The following ARHGAP12 variants were observed in gnomAD, a reference collection of about 807,000 sequenced individuals.
ARHGAP12 encodes the protein Rho GTPase activating protein 12.
A neutral mutation model predicts 108.6 loss-of-function variants in ARHGAP12; 64 were observed. The observed-to-expected ratio is 0.59, with a 90% CI of 0.48 to 0.73. The LOEUF is 0.73. Among genes scored for constraint, ARHGAP12 ranks in the 30% least tolerant of loss-of-function variants. ARHGAP12 has a pLI of 0.00. For missense variants in ARHGAP12, 940 were observed against 1,005.9 expected (o/e 0.93, Z 0.89); for synonymous variants, 312 against 337.2 (o/e 0.93, Z 0.82).
At chr10:31,899,391 A>G (rs2491271) in intron 3 of ARHGAP12, among the ~76,000 whole-genome samples, 30,300 of 152,190 alleles carry the variant, frequency 0.2, 3,355 homozygotes, top group East Asian at 0.39. Flanking sequence ...AGTGAAATTT[A>G]AACCTTACAT....
chr10:31,840,149 G>A (rs1419380142), intron 7 of ARHGAP12, among the ~76,000 whole-genome samples: 1 of 152,034 alleles, frequency 6.6e-6, no homozygotes, highest in Non-Finnish European at 1.5e-5. Context: ...ATGCCAGAAT[G>A]AGAATTTAAT....
intron 6 of ARHGAP12, among the ~76,000 whole-genome samples, chr10:31,846,899 ATTTT>A (rs377177944): frequency 7.7e-4 from 65 of 84,612 alleles, no homozygotes; most frequent in African/African-American, 3.0e-3. Context: ...GGCACTGTTC[ATTTT>A]TTTTTTTTTT....
At chr10:31,873,719 C>T (rs1471714510) in intron 3 of ARHGAP12, among the ~76,000 whole-genome samples, 3 of 152,202 alleles carry the variant, frequency 2.0e-5, no homozygotes, top group African/African-American at 7.2e-5. Flanking sequence ...TCAGTAACTG[C>T]TTTCCCAATC....
chr10:31,898,833 C>T (rs1007040863), intron 3 of ARHGAP12, among the ~76,000 whole-genome samples: 1 of 151,546 alleles, frequency 6.6e-6, no homozygotes, highest in Non-Finnish European at 1.5e-5. Flanking sequence ...GTGATGTTCC[C>T]ACAACAATAA....
chr10:31,908,926 G>T lies in ARHGAP12; in HGVS notation c.-71C>A. 1 of 1,355,036 alleles carries T rather than the reference G, an allele frequency of 7.4e-7. No individual in the cohort carries two copies. Among genetic ancestry groups the T allele is most frequent in the Non-Finnish European group, 1.0e-6 (1 of 1,001,734 alleles). The allele number at this position is 1,355,036 out of a possible 1,614,324, so 83.9% of individuals were successfully genotyped here. ...CTTTATGGCTTGTTGGATGAATATA[G>T]CTGTTTTATTTAAATGGAGAAAGAG... On this transcript the variant is annotated splice_region_variant and 5_prime_UTR_variant, in exon 3 of 20. Transcript: ENST00000344936.
chr10:31,904,467 T>C (rs74127879), intron 3 of ARHGAP12, among the ~76,000 whole-genome samples: 2,055 of 152,224 alleles, frequency 0.013, 57 homozygotes, highest in African/African-American at 0.046. Context: ...GGGAATTGGT[T>C]ATGGCTGTAA....
At chr10:31,855,268 C>T (rs1474230220) in intron 4 of ARHGAP12, among the ~76,000 whole-genome samples, 2 of 152,128 alleles carry the variant, frequency 1.3e-5, no homozygotes, top group African/African-American at 4.8e-5. Context: ...TGACAAGAGG[C>T]ACCATAATAT....
rs761929415 is a variant in ARHGAP12, at chr10:31,810,758, T to C, written c.1952-11A>G. On this transcript the variant is annotated splice_polypyrimidine_tract_variant and intron_variant, in intron 15 of 19. Coordinates refer to ENST00000344936, the MANE Select transcript of ARHGAP12 (RefSeq NM_018287.7). ...ATCCAAATACCTGATCTGAAAAAGATTTATTTTTAAAAAGTCAATCACCTT... is the reference window on the plus strand; with the variant it reads ...ATCCAAATACCTGATCTGAAAAAGACTTATTTTTAAAAAGTCAATCACCTT... The C allele has an allele frequency of 2.5e-6, 4 of 1,594,334 alleles. No homozygotes were observed. The East Asian group carries it at 9.0e-5, about 36-fold the overall frequency.
intron 1 of ARHGAP12, among the ~76,000 whole-genome samples, chr10:31,912,521 G>A (rs1839395313): frequency 6.6e-6 from 1 of 152,170 alleles, no homozygotes; most frequent in Non-Finnish European, 1.5e-5. Context: ...GGAGGAGTTA[G>A]GGAGAAAGAT....
At chr10:31,838,830 CAAAAAAAA>C (rs34471173) in intron 9 of ARHGAP12, among the ~76,000 whole-genome samples, 2 of 102,720 alleles carry the variant, frequency 1.9e-5, no homozygotes, top group African/African-American at 3.9e-5. Context: ...GGCTCCATCT[CAAAAAAAA>C]AAAAAAAAAA....
intron 6 of ARHGAP12, among the ~76,000 whole-genome samples, chr10:31,851,607 C>T (rs1836681914): frequency 6.6e-6 from 1 of 152,088 alleles, no homozygotes; most frequent in African/African-American, 2.4e-5. Context: ...TTCATCCTAC[C>T]CATATCAAGC....
intron 9 of ARHGAP12, among the ~76,000 whole-genome samples, chr10:31,832,896 T>C (rs1334086293): frequency 6.6e-6 from 1 of 152,196 alleles, no homozygotes; most frequent in Non-Finnish European, 1.5e-5. Flanking sequence ...TTTGGTATAC[T>C]GGGGACTTGG....
intron 1 of ARHGAP12, among the ~76,000 whole-genome samples, chr10:31,915,258 T>C (rs1469592623): frequency 1.3e-5 from 2 of 151,984 alleles, no homozygotes; most frequent in Admixed American, 1.3e-4. Context: ...TGGTAGCGCA[T>C]GCCTGTAATC....
intron 3 of ARHGAP12, among the ~76,000 whole-genome samples, chr10:31,895,460 A>G (rs910167740): frequency 6.6e-6 from 1 of 152,244 alleles, no homozygotes; most frequent in Non-Finnish European, 1.5e-5. Context: ...TCAAAAGAAG[A>G]CATTTATGCA....
rs533950678 is a variant in ARHGAP12 at position 31,897,360 on chromosome 10, A to G, written c.684+10812T>C. Among the ~76,000 whole-genome samples, 70 of 152,232 alleles carry G rather than the reference A, an allele frequency of 4.6e-4. 1 individual carries two copies. The highest frequency in any genetic ancestry group is 1.0e-3 in the Admixed American group (16 of 15,280). On this transcript the variant is annotated intron_variant, in intron 3 of 19. Transcript: ENST00000344936. ...TTGTAAAATTCACAGCTCATGACGC[A>G]CACACACTAAAAGGCTAAGATTTAA...
chr10:31,814,180 T>C (rs1210360815), intron 14 of ARHGAP12, 79 bp downstream of exon 14: 2 of 1,148,466 alleles, frequency 1.7e-6, no homozygotes, highest in East Asian at 2.3e-5. Flanking sequence ...CATTCAGCTT[T>C]TATATATGTA....
At chr10:31,885,212 TTAA>T (rs1838146862) in intron 3 of ARHGAP12, among the ~76,000 whole-genome samples, 1 of 152,246 alleles carries the variant, frequency 6.6e-6, no homozygotes, top group Non-Finnish European at 1.5e-5. Context: ...CAACAAAATT[TTAA>T]TGTAATCATT....
At chr10:31,892,934 G>C (rs567516021) in intron 3 of ARHGAP12, among the ~76,000 whole-genome samples, 50 of 152,232 alleles carry the variant, frequency 3.3e-4, no homozygotes, top group African/African-American at 1.1e-3. Flanking sequence ...CTAGAACTCA[G>C]GATTAAGAAA....
At chr10:31,827,323 G>A (rs1835652940) in intron 10 of ARHGAP12, among the ~76,000 whole-genome samples, 1 of 152,012 alleles carries the variant, frequency 6.6e-6, no homozygotes, top group African/African-American at 2.4e-5. Context: ...TCTGCCTCAG[G>A]CCTAGCACAG....
Sources: gnomAD v4.1 joint callset for allele counts (sites outside exome capture counted in the v4.1 genomes callset) on GRCh38, gnomAD v4.1.1 for gene constraint, MANE v1.5 for transcripts, NCBI Gene and HGNC (gene_info 2026-07-23, HGNC 2026-07-21) for gene names.